AAK1: variants seen among roughly 807,000 people sequenced by gnomAD.
The protein encoded by AAK1 is AP2-associated protein kinase 1.
In AAK1, 37 loss-of-function variants were observed where a neutral mutation model predicts 116.0. That is an observed-to-expected ratio of 0.32 (90% CI 0.25 to 0.42). The LOEUF (loss-of-function observed/expected upper bound fraction) is 0.42. AAK1 is among the 10% of genes least tolerant of loss of function. AAK1 has a pLI of 1.00. For synonymous variants in AAK1, 458 were observed against 439.9 expected (o/e 1.04, Z -0.51); for missense variants, 919 against 1,170.6 (o/e 0.79, Z 3.14).
At chr2:69,619,514 T>C (rs1189091724) in intron 2 of AAK1, among the ~76,000 whole-genome samples, 1 of 152,202 alleles carries the variant, frequency 6.6e-6, no homozygotes, top group Non-Finnish European at 1.5e-5. Flanking sequence ...ATGAGAGCCA[T>C]GGTTCTAGGC....
At position 69,514,712 on chromosome 2, in the gene AAK1, A is replaced by G. The variant is rs1392260634; in HGVS notation, c.1535T>C (p.Ile512Thr). The G allele has an allele frequency of 6.2e-7, 1 of 1,609,362 alleles. No homozygotes were observed. Among genetic ancestry groups the G allele is most frequent in the Admixed American group, 1.7e-5 (1 of 59,756 alleles). The part of the protein sequence containing the change: ...AVHPATQKPA[I>T]AQFPVVSQGG... ...TTGGGACACCACAGGGAACTGAGCA[A>G]TTGCTGGTTTCTGGGTTGCTGGATG... The change falls in exon 13 of 22, where the codon ATT (isoleucine) becomes ACT (threonine). Residue 512 changes from isoleucine (I) to threonine (T), a missense_variant. By Grantham distance (89) the Ile-to-Thr change is moderately conservative. Around this residue, in one of 4 missense-constraint regions of AAK1, gnomAD observed 214 missense variants for 210.6 expected, o/e 1.02. Coordinates refer to ENST00000409085, the MANE Select transcript of AAK1 (RefSeq NM_014911.5).
intron 2 of AAK1, among the ~76,000 whole-genome samples, chr2:69,587,354 T>C (rs867340925): frequency 5.0e-5 from 7 of 140,840 alleles, no homozygotes; most frequent in Middle Eastern, 3.3e-3. Flanking sequence ...CACACATATA[T>C]ACACATATGC....
chr2:69,500,698 T>TATATATATATATATATACACACACACAC, intron 16 of AAK1, among the ~76,000 whole-genome samples: 1 of 65,102 alleles, frequency 1.5e-5, no homozygotes, highest in African/African-American at 7.9e-5. Flanking sequence ...TATATATATA[T>TATATATATATATATATACACACACACAC]ACACACACAC....
In AAK1 at chr2:69,468,142, T is replaced by C. The variant is rs1396758925; in HGVS notation, c.*7727A>G. The C allele has an allele frequency of 2.0e-6, 2 of 985,152 alleles. No homozygotes were observed. The highest frequency in any genetic ancestry group is 3.5e-5 in the African/African-American group (2 of 57,232). The allele number at this position is 985,152 out of a possible 1,614,324, so 61.0% of individuals were successfully genotyped here. On this transcript the variant is annotated 3_prime_UTR_variant, in exon 22 of 22. Coordinates refer to ENST00000409085, the MANE Select transcript of AAK1 (RefSeq NM_014911.5). ...GAAAAGAATAAATTTTTCCTTGTAT[T>C]ATAATTTTAGTATGTGCAGCTACAT...
intron 18 of AAK1, chr2:69,482,378 C>T: frequency 1.2e-5 from 6 of 517,514 alleles, no homozygotes; most frequent in Non-Finnish European, 2.0e-5. Flanking sequence ...AAAGAAGAAT[C>T]TGCTAAATTT....
At chr2:69,600,900 C>A (rs372850955) in intron 2 of AAK1, among the ~76,000 whole-genome samples, 2 of 152,182 alleles carry the variant, frequency 1.3e-5, no homozygotes, top group Non-Finnish European at 2.9e-5. Flanking sequence ...GCAACCACCC[C>A]CCTGGTCAGT....
intron 2 of AAK1, among the ~76,000 whole-genome samples, chr2:69,627,158 G>A (rs1036685379): frequency 3.3e-5 from 5 of 151,890 alleles, no homozygotes; most frequent in Non-Finnish European, 7.4e-5. Context: ...GCGTGGTGGC[G>A]GGCGCCTGTA....
At chr2:69,508,983 A>G (rs1167897989) in intron 14 of AAK1, among the ~76,000 whole-genome samples, 1 of 152,242 alleles carries the variant, frequency 6.6e-6, no homozygotes, top group Non-Finnish European at 1.5e-5. Flanking sequence ...CCAAGTAGGA[A>G]AAGATTTCTT....
chr2:69,628,949 T>TACC (rs774403128), intron 2 of AAK1, among the ~76,000 whole-genome samples: 59 of 152,348 alleles, frequency 3.9e-4, no homozygotes, highest in Non-Finnish European at 5.7e-4. Context: ...CAACTACAGG[T>TACC]ACCACCTCTC....
intron 9 of AAK1, 119 bp from the exon 10 acceptor site, chr2:69,525,231 A>T: frequency 2.1e-6 from 2 of 935,846 alleles, no homozygotes; most frequent in Non-Finnish European, 3.3e-6. Context: ...GATCTTCTGG[A>T]GCAGCTTCCA....
At chr2:69,484,747 T>C (rs927544674) in intron 17 of AAK1, among the ~76,000 whole-genome samples, 1 of 152,022 alleles carries the variant, frequency 6.6e-6, no homozygotes, top group African/African-American at 2.4e-5. Flanking sequence ...TGGTGGCGCA[T>C]GCCTGAAGTC....
At chr2:69,603,291 A>T (rs1379368706) in intron 2 of AAK1, among the ~76,000 whole-genome samples, 1 of 152,210 alleles carries the variant, frequency 6.6e-6, no homozygotes, top group Non-Finnish European at 1.5e-5. Context: ...GTTTCCTCAC[A>T]GTCCATGACA....
chr2:69,576,761 G>A (rs1248164072), intron 2 of AAK1, among the ~76,000 whole-genome samples: 1 of 152,080 alleles, frequency 6.6e-6, no homozygotes, highest in Non-Finnish European at 1.5e-5. Context: ...TGGCATTTCC[G>A]TATATGCCTA....
In AAK1 at chr2:69,468,698, A is replaced by C. The variant is rs1374178604; in HGVS notation, c.*7171T>G. Reference sequence around the variant, plus strand: ...ATTTGTGCACAGAGACTGGCAAAAAAGCAGCTATCTATTGAACCAGGGGCA... The same window carrying C: ...ATTTGTGCACAGAGACTGGCAAAAACGCAGCTATCTATTGAACCAGGGGCA... On this transcript the variant is annotated 3_prime_UTR_variant, in exon 22 of 22. Coordinates refer to ENST00000409085, the MANE Select transcript of AAK1 (RefSeq NM_014911.5). The C allele has an allele frequency of 1.0e-6, 1 of 985,342 alleles. No individual in the cohort carries two copies. Among genetic ancestry groups the C allele is most frequent in the African/African-American group, 1.7e-5 (1 of 57,244 alleles). The allele number at this position is 985,342 out of a possible 1,614,324, so 61.0% of individuals were successfully genotyped here. A position where few individuals can be genotyped will look rare whatever the true frequency, so the allele number is the denominator to read the frequency against.
At chr2:69,552,013 ATCT>A (rs2105073973) in intron 3 of AAK1, among the ~76,000 whole-genome samples, 1 of 152,326 alleles carries the variant, frequency 6.6e-6, no homozygotes, top group Admixed American at 6.5e-5. Flanking sequence ...AGCATGTTAC[ATCT>A]TCTGATTCCC....
intron 2 of AAK1, among the ~76,000 whole-genome samples, chr2:69,571,874 TG>T (rs1348381944): frequency 2.0e-5 from 3 of 152,214 alleles, no homozygotes; most frequent in African/African-American, 7.2e-5. Flanking sequence ...CCAAGATCTC[TG>T]CCACTCAGAG....
In AAK1 at chr2:69,465,163, CTG is replaced by C. The variant is rs1674447301; in HGVS notation, c.*10704_*10705del. On this transcript the variant is annotated 3_prime_UTR_variant, in exon 22 of 22. Coordinates refer to ENST00000409085, the MANE Select transcript of AAK1 (RefSeq NM_014911.5). ...AGTTCTTGGTGGAAGTGGATGACCT[CTG>C]TGAAGGAGATGAAAATGCCTCCAAG... The C allele has an allele frequency of 3.6e-6, 1 of 276,198 alleles. No homozygotes were observed. Among genetic ancestry groups the C allele is most frequent in the African/African-American group, 2.3e-5 (1 of 44,438 alleles). 17.1% of individuals were successfully genotyped at this position (276,198 alleles called of 1,614,324 possible). A position where few individuals can be genotyped will look rare whatever the true frequency, so the allele number is the denominator to read the frequency against.
intron 16 of AAK1, among the ~76,000 whole-genome samples, chr2:69,500,698 T>TATATATATATATATATATATATATAA: frequency 1.5e-5 from 1 of 65,102 alleles, no homozygotes; most frequent in Non-Finnish European, 2.6e-5. Context: ...TATATATATA[T>TATATATATATATATATATATATATAA]ACACACACAC....
In AAK1 at chr2:69,469,369, A is replaced by G; in HGVS notation, c.*6500T>C. The G allele has an allele frequency of 1.0e-6, 1 of 985,472 alleles. No homozygotes were observed. The highest frequency in any genetic ancestry group is 1.2e-6 in the Non-Finnish European group (1 of 829,938). The allele number at this position is 985,472 out of a possible 1,614,324, so 61.0% of individuals were successfully genotyped here. A position where few individuals can be genotyped will look rare whatever the true frequency, so the allele number is the denominator to read the frequency against. ...ATACTAGAAACAGAAGGTAACCATTAAATCTTGTTGGCAGATAAAAGTCTT... is the reference window on the plus strand; with the variant it reads ...ATACTAGAAACAGAAGGTAACCATTGAATCTTGTTGGCAGATAAAAGTCTT... On this transcript the variant is annotated 3_prime_UTR_variant, in exon 22 of 22. Coordinates refer to ENST00000409085, the MANE Select transcript of AAK1 (RefSeq NM_014911.5).
Sources: allele counts gnomAD v4.1 joint callset (sites outside exome capture counted in the v4.1 genomes callset), GRCh38; gene constraint gnomAD v4.1.1; regional missense constraint gnomAD v4.1.1; transcripts MANE v1.5; gene names NCBI Gene and HGNC (gene_info 2026-07-23, HGNC 2026-07-21).